The following CACNA1C variants were observed in gnomAD, a reference collection of about 807,000 sequenced individuals.
The protein encoded by CACNA1C is calcium voltage-gated channel subunit alpha1 C, also known as voltage-dependent L-type calcium channel subunit alpha-1C.
Under a neutral mutation model 229.0 loss-of-function variants are expected in CACNA1C, and 30 were observed. The observed-to-expected ratio is 0.13, with a 90% CI of 0.10 to 0.18. CACNA1C has a LOEUF of 0.18. Among genes scored for constraint, CACNA1C ranks in the 10% least tolerant of loss-of-function variants. CACNA1C has a pLI of 1.00. For synonymous variants in CACNA1C, 1,114 were observed against 1,132.5 expected (o/e 0.98, Z 0.33); for missense variants, 1,658 against 2,845.0 (o/e 0.58, Z 9.49).
intron 3 of CACNA1C, among the ~76,000 whole-genome samples, chr12:2,418,159 G>T (rs751130317): frequency 1.4e-4 from 21 of 152,140 alleles, no homozygotes; most frequent in Non-Finnish European, 2.4e-4. Flanking sequence ...CAGAACCCTA[G>T]CATTACGGCA....
At chr12:2,485,066 G>A (rs1014730131) in intron 5 of CACNA1C, among the ~76,000 whole-genome samples, 3 of 152,154 alleles carry the variant, frequency 2.0e-5, no homozygotes, top group South Asian at 2.1e-4. Context: ...GGGCAAGCGC[G>A]GTGGATGAAT....
chr12:2,644,284 C>T (rs2094096931), intron 30 of CACNA1C, among the ~76,000 whole-genome samples: 1 of 152,132 alleles, frequency 6.6e-6, no homozygotes, highest in Non-Finnish European at 1.5e-5. Context: ...AGGTAATCTG[C>T]ACCTTTCAAA....
At chr12:2,096,705 T>C (rs1418963896) in intron 1 of CACNA1C, among the ~76,000 whole-genome samples, 1 of 152,238 alleles carries the variant, frequency 6.6e-6, no homozygotes, top group Admixed American at 6.5e-5. Flanking sequence ...CTTTTTGTCA[T>C]TCCAAACCAA....
At chr12:2,004,100 C>T (rs893778097) in intron 1 of CACNA1C, 21 of 816,114 alleles carry the variant, frequency 2.6e-5, no homozygotes, top group African/African-American at 2.4e-4. Flanking sequence ...TCCACAGATC[C>T]GCCTTCCTTC....
rs73603762 is a variant in CACNA1C, at chr12:2,113,049, G to A, written c.50-2175G>A. ...AAGTCACTTAAACATCACAGTGTGTGGGGGAAAATCACTTGGAGAAGGGGA... is the reference window on the plus strand; with the variant it reads ...AAGTCACTTAAACATCACAGTGTGTAGGGGAAAATCACTTGGAGAAGGGGA... On this transcript the variant is annotated intron_variant, in intron 1 of 46. Coordinates refer to ENST00000399655, the MANE Select transcript of CACNA1C (RefSeq NM_000719.7). Among the ~76,000 whole-genome samples the A allele has an allele frequency of 7.4e-3, 1,121 of 152,102 alleles. 18 individuals carry two copies. Among genetic ancestry groups the A allele is most frequent in the African/African-American group, 0.025 (1,036 of 41,542 alleles).
chr12:1,985,371 T>C (rs2037404883), intron 1 of CACNA1C, among the ~76,000 whole-genome samples: 1 of 152,204 alleles, frequency 6.6e-6, no homozygotes, highest in Non-Finnish European at 1.5e-5. Flanking sequence ...CTAACTCTTC[T>C]TTCCACTGTC....
At chr12:2,155,670 A>T (rs2095517295) in intron 3 of CACNA1C, among the ~76,000 whole-genome samples, 1 of 152,124 alleles carries the variant, frequency 6.6e-6, no homozygotes, top group South Asian at 2.1e-4. Context: ...GGAGAAACTG[A>T]CCACCTCTTA....
At chr12:1,993,609 G>C (rs2040036507) in intron 1 of CACNA1C, among the ~76,000 whole-genome samples, 1 of 141,644 alleles carries the variant, frequency 7.1e-6, no homozygotes, top group Admixed American at 7.1e-5. Flanking sequence ...TGGTAAAATT[G>C]AGTCATACTT....
chr12:2,424,592 G>A (rs1242313700), intron 3 of CACNA1C, among the ~76,000 whole-genome samples: 1 of 152,166 alleles, frequency 6.6e-6, no homozygotes, highest in Admixed American at 6.5e-5. Flanking sequence ...TTCACATGTG[G>A]GTAGGGGGTG....
rs539240950 is a variant in CACNA1C at position 2,679,839 on chromosome 12, C to T, written c.5444+43C>T. 6.8e-5 allele frequency: 92 copies of T among 1,357,214 alleles called. No homozygotes were observed. Among genetic ancestry groups the T allele is most frequent in the South Asian group, 2.7e-5 (2 of 73,308 alleles). The allele number at this position is 1,357,214 out of a possible 1,614,324, so 84.1% of individuals were successfully genotyped here. On this transcript the variant is annotated intron_variant, in intron 42 of 46. Coordinates refer to ENST00000399655, the MANE Select transcript of CACNA1C (RefSeq NM_000719.7). The surrounding 1 kb of genome is among the most constrained non-coding windows in gnomAD (Gnocchi z 5.5). ...CACCCCAGGCGGCACACAGGGCCCA[C>T]GTGCTGCAACCCTCAGGAGACAGTG...
intron 13 of CACNA1C, among the ~76,000 whole-genome samples, chr12:2,578,080 G>A (rs1210336220): frequency 4.6e-5 from 7 of 151,958 alleles, no homozygotes; most frequent in African/African-American, 1.2e-4. Flanking sequence ...GTGTTAGCCA[G>A]GATGGTCTCG....
chr12:2,076,996 G>T (rs1453590399), intron 1 of CACNA1C, among the ~76,000 whole-genome samples: 2 of 152,258 alleles, frequency 1.3e-5, no homozygotes, highest in Non-Finnish European at 2.9e-5. Flanking sequence ...GCCATGCTGG[G>T]CTCACTAGCT....
At position 2,692,163 on chromosome 12, in the gene CACNA1C, T is replaced by C. The variant is rs1179202642; in HGVS notation, c.*964T>C. On this transcript the variant is annotated 3_prime_UTR_variant, in exon 47 of 47. Coordinates refer to ENST00000399655, the MANE Select transcript of CACNA1C (RefSeq NM_000719.7). ...CGCTGCAGGAGAGTTTTACCAACCA[T>C]TGTGTATGCCCAATAATTTGTTATC... 6.6e-6 allele frequency: 1 copy of C among 152,234 alleles called. No homozygotes were observed. Among genetic ancestry groups the C allele is most frequent in the Non-Finnish European group, 1.5e-5 (1 of 68,032 alleles). The allele number at this position is 152,234 out of a possible 1,614,324, so 9.4% of individuals were successfully genotyped here.
intron 5 of CACNA1C, among the ~76,000 whole-genome samples, chr12:2,482,976 TA>T (rs2154570025): frequency 6.6e-6 from 1 of 152,336 alleles, no homozygotes; most frequent in South Asian, 2.1e-4. Context: ...TGAATGATGT[TA>T]TTTCCAATTC....
chr12:2,656,242 T>C (rs1603382055), intron 34 of CACNA1C, among the ~76,000 whole-genome samples: 1 of 152,194 alleles, frequency 6.6e-6, no homozygotes, highest in African/African-American at 2.4e-5. Context: ...TTCAGTAAAG[T>C]TGCAGGACAC....
intron 13 of CACNA1C, among the ~76,000 whole-genome samples, chr12:2,578,352 A>G (rs2059327490): frequency 6.6e-6 from 1 of 152,072 alleles, no homozygotes; most frequent in South Asian, 2.1e-4. Flanking sequence ...GGCCCGAGGA[A>G]GGGGAGTGCA....
intron 3 of CACNA1C, among the ~76,000 whole-genome samples, chr12:2,176,565 G>C (rs2238044): frequency 1.3e-5 from 2 of 150,086 alleles, no homozygotes; most frequent in African/African-American, 2.4e-5. Context: ...GGGCCTATTG[G>C]GGGGGTTGGA....
intron 3 of CACNA1C, among the ~76,000 whole-genome samples, chr12:2,339,077 G>C (rs533081011): frequency 6.6e-6 from 1 of 152,352 alleles, no homozygotes; most frequent in South Asian, 2.1e-4. Flanking sequence ...GAAATGCGTT[G>C]TTAGGTGATT....
rs376686239 is a variant in CACNA1C, at chr12:2,348,629, C to G, written c.478-100347C>G. 1.2e-3 allele frequency among the ~76,000 whole-genome samples: 185 copies of G among 152,170 alleles called. No homozygotes were observed. The highest frequency in any genetic ancestry group is 2.2e-3 in the Non-Finnish European group (149 of 68,012). ...TAGAAGCCGTCCAGAGAATGTTTGG[C>G]ATGCTGAATATAAACTCATGCTTCC... On this transcript the variant is annotated intron_variant, in intron 3 of 46. Transcript: ENST00000399655. The surrounding 1 kb of genome is among the most constrained non-coding windows in gnomAD (Gnocchi z 4.7).
Sources: gnomAD v4.1 joint callset for allele counts (sites outside exome capture counted in the v4.1 genomes callset) on GRCh38, gnomAD v4.1.1 for gene constraint, Gnocchi (gnomAD v3.1) non-coding constraint, MANE v1.5 for transcripts, NCBI Gene and HGNC (gene_info 2026-07-23, HGNC 2026-07-21) for gene names.